The following IRF2BP2 variants were observed in gnomAD, a reference collection of about 807,000 sequenced individuals.
The protein encoded by IRF2BP2 is interferon regulatory factor 2 binding protein 2, also known as interferon regulatory factor 2-binding protein 2.
IRF2BP2 carries 13 observed loss-of-function variants against 32.7 expected under a neutral mutation model. That is an observed-to-expected ratio of 0.40 (90% CI 0.26 to 0.63). The LOEUF (loss-of-function observed/expected upper bound fraction) is 0.63, where lower values mean the gene tolerates loss of function less well. IRF2BP2 is among the 30% of genes least tolerant of loss of function. The probability of loss-of-function intolerance (pLI) is 0.42; values close to 1 mark genes in which losing one functional copy is unlikely to be tolerated. For missense variants in IRF2BP2, 980 were observed against 830.6 expected (o/e 1.18, Z -2.21); for synonymous variants, 555 against 384.6 (o/e 1.44, Z -5.18).
Position 234,607,870 on chromosome 1 carries a change from T to G in IRF2BP2, c.1049-18A>C. 1 of 1,525,730 alleles carries G rather than the reference T, an allele frequency of 6.6e-7. No individual in the cohort carries two copies. 94.5% of individuals were successfully genotyped at this position (1,525,730 alleles called of 1,614,324 possible). A position where few individuals can be genotyped will look rare whatever the true frequency, so the allele number is the denominator to read the frequency against. On this transcript the variant is annotated intron_variant, in intron 1 of 1. Coordinates refer to ENST00000366609, the MANE Select transcript of IRF2BP2 (RefSeq NM_182972.3). Reference sequence around the variant, plus strand: ...TCTTGCAACTGGAAACACAAAGAAATAAAAGGAAAAAGGTAACATAAGTGG... The same window carrying G: ...TCTTGCAACTGGAAACACAAAGAAAGAAAAGGAAAAAGGTAACATAAGTGG...
In IRF2BP2 at chr1:234,605,716, A is replaced by T. The variant is rs1018180632; in HGVS notation, c.*1421T>A. ...AAAATAGTGTTCCTGTCAATGTTAA[A>T]TCATAACAGCACAAAAGAAAAACCA... On this transcript the variant is annotated 3_prime_UTR_variant, in exon 2 of 2. Coordinates refer to ENST00000366609, the MANE Select transcript of IRF2BP2 (RefSeq NM_182972.3). 5.3e-5 allele frequency: 8 copies of T among 152,224 alleles called. No homozygotes were observed. Among genetic ancestry groups the T allele is most frequent in the Non-Finnish European group, 1.2e-4 (8 of 68,034 alleles). The allele number at this position is 152,224 out of a possible 1,614,324, so 9.4% of individuals were successfully genotyped here.
rs745634272 is a variant in IRF2BP2, at chr1:234,608,589, G to T, written c.906C>A (p.Pro302=). ...CCAGCAGCGTGTCGCGCACGGTCTT[G>T]GGCCTGTTGACCCAGTCCTGCTCTC... ...GSGEQDWVNR[P]KTVRDTLLAL... Residue 302 remains proline (P), a synonymous_variant, in exon 1 of 2, where the codon CCC becomes CCA. Transcript: ENST00000366609. 13 of 1,604,722 alleles carry T rather than the reference G, an allele frequency of 8.1e-6. No homozygotes were observed. In the East Asian group the frequency reaches 2.9e-4, roughly 36 times the overall value.
chr1:234,609,527 C>CGGA lies in IRF2BP2; in HGVS notation c.-36_-34dup, dbSNP rs763082303. 6.5e-5 allele frequency: 89 copies of CGGA among 1,367,768 alleles called. 2 individuals are homozygous for CGGA. In the South Asian group the frequency reaches 9.8e-4, roughly 15 times the overall value. The allele number at this position is 1,367,768 out of a possible 1,614,324, so 84.7% of individuals were successfully genotyped here. ...GAGCCCGCGACGCCGGAGGAGGAGG[C>CGGA]GGAGGAGGAGGAGGGGGCGCCGCCG... is the stretch of plus-strand genomic sequence containing the variant. On this transcript the variant is annotated 5_prime_UTR_variant, in exon 1 of 2. Transcript: ENST00000366609.
At position 234,609,613 on chromosome 1, in the gene IRF2BP2, AGCGGCGGCGGCGGCCGCAAAG is replaced by A. The variant is rs1254727121; in HGVS notation, c.-140_-120del. On this transcript the variant is annotated 5_prime_UTR_variant, in exon 1 of 2. Coordinates refer to ENST00000366609, the MANE Select transcript of IRF2BP2 (RefSeq NM_182972.3). ...CCCCCAACCCCGCGTCTCCCCCACCAGCGGCGGCGGCGGCCGCAAAGGCGGCGGCGGCGGCGGCAAAGCCCG... is the reference window on the plus strand; with the variant it reads ...CCCCCAACCCCGCGTCTCCCCCACCAGCGGCGGCGGCGGCGGCAAAGCCCG... 1.2e-4 allele frequency: 52 copies of A among 449,384 alleles called. No individual in the cohort carries two copies. Among genetic ancestry groups the A allele is most frequent in the South Asian group, 7.7e-4 (7 of 9,080 alleles). 27.8% of individuals were successfully genotyped at this position (449,384 alleles called of 1,614,324 possible). A position where few individuals can be genotyped will look rare whatever the true frequency, so the allele number is the denominator to read the frequency against.
chr1:234,609,199 A>AGCTGCT lies in IRF2BP2; in HGVS notation c.290_295dup (p.Gln97_Gln98dup), dbSNP rs371994015. ...GGCCGCCTCGGGGCCGCCGTGGCCAAGCTGCTGCTGCTGCTGCAAAAGGAT... is the reference window on the plus strand; with the variant it reads ...GGCCGCCTCGGGGCCGCCGTGGCCAAGCTGCTGCTGCTGCTGCTGCTGCAAAAGGAT... On this transcript the variant is annotated inframe_insertion, in exon 1 of 2. Coordinates refer to ENST00000366609, the MANE Select transcript of IRF2BP2 (RefSeq NM_182972.3). 85 of 1,311,472 alleles carry AGCTGCT rather than the reference A, an allele frequency of 6.5e-5. No individual in the cohort carries two copies. The highest frequency in any genetic ancestry group is 1.7e-4 in the Admixed American group (4 of 23,716). 81.2% of individuals were successfully genotyped at this position (1,311,472 alleles called of 1,614,324 possible).
rs759707406 is a variant in IRF2BP2 at position 234,607,140 on chromosome 1, C to T, written c.1761G>A (p.Ser587=). The T allele has an allele frequency of 8.7e-6, 14 of 1,604,308 alleles. No individual in the cohort carries two copies. The Admixed American group carries it at 1.2e-4, about 14-fold the overall frequency. ...GDVKVKKERD[S] ...GGTTTTTCTGAAACCGGAAAAGTCA[C>T]GAGTCTCTCTCTTTTTTCACTTTCA... The change falls in exon 2 of 2, where the codon TCG becomes TCA. Residue 587 remains serine, a synonymous_variant. Coordinates refer to ENST00000366609, the MANE Select transcript of IRF2BP2 (RefSeq NM_182972.3).
chr1:234,608,426 T>TC, intron 1 of IRF2BP2, 21 bp downstream of exon 1: 1 of 1,474,864 alleles, frequency 6.8e-7, no homozygotes, highest in Non-Finnish European at 9.0e-7. Context: ...CTAGACCCCC[T>TC]CACTTCACAG....
Position 234,609,930 on chromosome 1 carries a change from G to A in IRF2BP2, c.-436C>T, listed in dbSNP as rs1222468044. Among the ~76,000 whole-genome samples the A allele has an allele frequency of 5.0e-5, 7 of 139,742 alleles. No homozygotes were observed. The highest frequency in any genetic ancestry group is 2.2e-4 in the South Asian group (1 of 4,504). 91.7% of individuals were successfully genotyped at this position (139,742 alleles called of 152,430 possible). On this transcript the variant is annotated 5_prime_UTR_variant, in exon 1 of 2. Coordinates refer to ENST00000366609, the MANE Select transcript of IRF2BP2 (RefSeq NM_182972.3). The stretch of plus-strand genomic sequence containing the variant: ...GTGCGGGGCGGGGGGCGGGGAGGCC[G>A]GGGGGGCAGGGGGCGGGGGGCGGCC...
rs774964956 is a variant in IRF2BP2, at chr1:234,608,707, G to A, written c.788C>T (p.Pro263Leu). 12 of 1,503,704 alleles carry A rather than the reference G, an allele frequency of 8.0e-6. No individual in the cohort carries two copies. The highest frequency in any genetic ancestry group is 1.5e-5 in the African/African-American group (1 of 68,736). 93.1% of individuals were successfully genotyped at this position (1,503,704 alleles called of 1,614,324 possible). ...EAAAKEKQPP[P>L]PAHRGPADSL... ...GTCGGCCGGGCCCCGGTGCGCAGGC[G>A]GCGGCGGTTGTTTCTCCTTGGCTGC... Residue 263 changes from proline to leucine, a missense_variant, in exon 1 of 2, where the codon CCG (proline) becomes CTG (leucine). Transcript: ENST00000366609.
At position 234,608,902 on chromosome 1, in the gene IRF2BP2, G is replaced by C; in HGVS notation, c.593C>G (p.Pro198Arg). The change falls in exon 1 of 2, where the codon CCG (proline) becomes CGG (arginine). Residue 198 changes from proline (P) to arginine (R), a missense_variant. By Grantham distance (103) the Pro-to-Arg change is moderately radical. Coordinates refer to ENST00000366609, the MANE Select transcript of IRF2BP2 (RefSeq NM_182972.3). ...GCCGAGGCCGAGCGCGGTGGGCAGC[G>C]GCGTGGCCGAGCCGTTCATGAGCGG... ...LVPLMNGSAT[P>R]LPTALGLGGR... 1 of 1,349,540 alleles carries C rather than the reference G, an allele frequency of 7.4e-7. No homozygotes were observed. The highest frequency in any genetic ancestry group is 9.4e-7 in the Non-Finnish European group (1 of 1,059,074). The allele number at this position is 1,349,540 out of a possible 1,614,324, so 83.6% of individuals were successfully genotyped here.
chr1:234,607,448 GTCC>G lies in IRF2BP2; in HGVS notation c.1450_1452del (p.Gly484del). 6.2e-7 allele frequency: 1 copy of G among 1,614,196 alleles called. No individual in the cohort carries two copies. Among genetic ancestry groups the G allele is most frequent in the South Asian group, 1.1e-5 (1 of 91,090 alleles). On this transcript the variant is annotated inframe_deletion, in exon 2 of 2. Coordinates refer to ENST00000366609, the MANE Select transcript of IRF2BP2 (RefSeq NM_182972.3). ...AGGCTGGCAGGGTGCACTGGCTCCA[GTCC>G]TCCTGTGTTGCCTGCTCCCTGGCCC...
In IRF2BP2 at chr1:234,609,183, G is replaced by C. The variant is rs766398538; in HGVS notation, c.312C>G (p.Pro104=). ...CCTGCGGCGCGCGCGGGGCCGCCTCGGGGCCGCCGTGGCCAAGCTGCTGCT... is the reference window on the plus strand; with the variant it reads ...CCTGCGGCGCGCGCGGGGCCGCCTCCGGGCCGCCGTGGCCAAGCTGCTGCT... ...QQQQQLGHGG[P]EAAPRAPQAL... is the part of the protein sequence containing the mutation. Residue 104 remains proline (P), a synonymous_variant, in exon 1 of 2, where the codon CCC becomes CCG. Coordinates refer to ENST00000366609, the MANE Select transcript of IRF2BP2 (RefSeq NM_182972.3). The C allele has an allele frequency of 1.0e-5, 13 of 1,288,970 alleles. No individual in the cohort carries two copies. The South Asian group carries it at 2.9e-4, about 29-fold the overall frequency. The allele number at this position is 1,288,970 out of a possible 1,614,324, so 79.8% of individuals were successfully genotyped here.
At position 234,604,413 on chromosome 1, in the gene IRF2BP2, A is replaced by G. The variant is rs1334012608; in HGVS notation, c.*2724T>C. 1 of 152,208 alleles carries G rather than the reference A, an allele frequency of 6.6e-6. No homozygotes were observed. Among genetic ancestry groups the G allele is most frequent in the Non-Finnish European group, 1.5e-5 (1 of 68,022 alleles). 9.4% of individuals were successfully genotyped at this position (152,208 alleles called of 1,614,324 possible). ...AATGTTGGTATCTGAGATTACACTC[A>G]CTTCAGTTGACATGAGTTTCATCAT... On this transcript the variant is annotated 3_prime_UTR_variant, in exon 2 of 2. Coordinates refer to ENST00000366609, the MANE Select transcript of IRF2BP2 (RefSeq NM_182972.3).
Position 234,609,937 on chromosome 1 carries a change from CA to C in IRF2BP2, c.-444del, listed in dbSNP as rs1237708150. Among the ~76,000 whole-genome samples, 4 of 45,702 alleles carry C rather than the reference CA, an allele frequency of 8.8e-5. No individual in the cohort carries two copies. Among genetic ancestry groups the C allele is most frequent in the African/African-American group, 3.3e-4 (4 of 12,298 alleles). The allele number at this position is 45,702 out of a possible 152,430, so 30.0% of individuals were successfully genotyped here. A position where few individuals can be genotyped will look rare whatever the true frequency, so the allele number is the denominator to read the frequency against. On this transcript the variant is annotated 5_prime_UTR_variant, in exon 1 of 2. Coordinates refer to ENST00000366609, the MANE Select transcript of IRF2BP2 (RefSeq NM_182972.3). ...GCGGGGGGCGGGGAGGCCGGGGGGG[CA>C]GGGGGCGGGGGGCGGCCGCCGGGGC...
At position 234,606,940 on chromosome 1, in the gene IRF2BP2, G is replaced by A. The variant is rs1244924790; in HGVS notation, c.*197C>T. ...AATAACGTTAACAAAAGAAAAAAATGTCTTTATAAGTACATACCTTTTGTC... is the reference window on the plus strand; with the variant it reads ...AATAACGTTAACAAAAGAAAAAAATATCTTTATAAGTACATACCTTTTGTC... On this transcript the variant is annotated 3_prime_UTR_variant, in exon 2 of 2. Coordinates refer to ENST00000366609, the MANE Select transcript of IRF2BP2 (RefSeq NM_182972.3). 6.2e-6 allele frequency: 3 copies of A among 481,042 alleles called. No homozygotes were observed. Among genetic ancestry groups the A allele is most frequent in the Non-Finnish European group, 1.1e-5 (3 of 272,786 alleles). 29.8% of individuals were successfully genotyped at this position (481,042 alleles called of 1,614,324 possible).
In IRF2BP2 at chr1:234,607,636, T is replaced by C. The variant is rs1309407103; in HGVS notation, c.1265A>G (p.Gln422Arg). The change falls in exon 2 of 2, where the codon CAG (glutamine) becomes CGG (arginine). Residue 422 changes from glutamine to arginine, a missense_variant. Coordinates refer to ENST00000366609, the MANE Select transcript of IRF2BP2 (RefSeq NM_182972.3). ...TTPPEAAQNGQSPMAALILVA... is the reference protein window; with the variant it reads ...TTPPEAAQNGRSPMAALILVA... ...TAAGATCAGGGCTGCCATGGGGGACTGGCCATTCTGGGCCGCTTCAGGCGG... is the reference window on the plus strand; with the variant it reads ...TAAGATCAGGGCTGCCATGGGGGACCGGCCATTCTGGGCCGCTTCAGGCGG... 1 of 1,614,250 alleles carries C rather than the reference T, an allele frequency of 6.2e-7. No individual in the cohort carries two copies. Among genetic ancestry groups the C allele is most frequent in the South Asian group, 1.1e-5 (1 of 91,082 alleles).
rs952821060 is a variant in IRF2BP2 at position 234,609,633 on chromosome 1, A to AGGC, written c.-142_-140dup. 161 of 316,934 alleles carry AGGC rather than the reference A, an allele frequency of 5.1e-4. 1 individual carries two copies. Among genetic ancestry groups the AGGC allele is most frequent in the East Asian group, 1.6e-3 (24 of 15,204 alleles). The allele number at this position is 316,934 out of a possible 1,614,324, so 19.6% of individuals were successfully genotyped here. On this transcript the variant is annotated 5_prime_UTR_variant, in exon 1 of 2. Transcript: ENST00000366609. ...CCACCAGCGGCGGCGGCGGCCGCAA[A>AGGC]GGCGGCGGCGGCGGCGGCAAAGCCC...
chr1:234,608,759 C>T lies in IRF2BP2; in HGVS notation c.736G>A (p.Ala246Thr), dbSNP rs746824371. The T allele has an allele frequency of 6.7e-7, 1 of 1,481,766 alleles. No homozygotes were observed. 91.8% of individuals were successfully genotyped at this position (1,481,766 alleles called of 1,614,324 possible). Residue 246 changes from alanine to threonine, a missense_variant, in exon 1 of 2, where the codon GCC (alanine) becomes ACC (threonine). Physicochemically the swap from Ala to Thr is moderately conservative, Grantham distance 58 (BLOSUM62 0). Transcript: ENST00000366609. ...GCCTCACGCTGCTCGTGCTCCACGG[C>T]AGCGCTGCTCGACACGGATGCCGGC... is the stretch of plus-strand genomic sequence containing the variant. ...KRPASVSSSA[A>T]VEHEQREAAA...
In IRF2BP2 at chr1:234,608,827, C is replaced by A. The variant is rs1310046018; in HGVS notation, c.668G>T (p.Ser223Ile). ...ATCGGTGGGCTGCGCGGAGCCCAGG[C>A]TGGCGGCCGCGGTTCCGGACACCGC... ...LAAVSGTAAASLGSAQPTDLG... is the reference protein window; with the variant it reads ...LAAVSGTAAAILGSAQPTDLG... The change falls in exon 1 of 2, where the codon AGC becomes ATC. Residue 223 changes from serine (S) to isoleucine (I), a missense_variant. By Grantham distance (142) the Ser-to-Ile change is moderately radical. Transcript: ENST00000366609. 1.5e-6 allele frequency: 2 copies of A among 1,358,156 alleles called. No individual in the cohort carries two copies. The highest frequency in any genetic ancestry group is 1.8e-5 in the South Asian group (1 of 54,452). The allele number at this position is 1,358,156 out of a possible 1,614,324, so 84.1% of individuals were successfully genotyped here.
Sources: gnomAD v4.1 joint callset for allele counts (sites outside exome capture counted in the v4.1 genomes callset) on GRCh38, gnomAD v4.1.1 for gene constraint, MANE v1.5 for transcripts, NCBI Gene and HGNC (gene_info 2026-07-23, HGNC 2026-07-21) for gene names.